The following KIAA0825 variants were observed in gnomAD, a reference collection of about 807,000 sequenced individuals.
KIAA0825 encodes the protein KIAA0825.
Under a neutral mutation model 147.6 loss-of-function variants are expected in KIAA0825, and 119 were observed. That is an observed-to-expected ratio of 0.81 (90% CI 0.69 to 0.94). The LOEUF is 0.94. Among genes scored for constraint, KIAA0825 ranks in the 40% least tolerant of loss-of-function variants. KIAA0825 has a pLI of 0.00. For synonymous variants in KIAA0825, 470 were observed against 518.1 expected, an observed-to-expected ratio of 0.91 and a Z score of 1.26; for missense variants, 1,381 against 1,472.7, an observed-to-expected ratio of 0.94 and a Z score of 1.02.
At chr5:94,577,316 G>A (rs1162098976) in intron 2 of KIAA0825, among the ~76,000 whole-genome samples, 1 of 152,174 alleles carries the variant, frequency 6.6e-6, no homozygotes, top group East Asian at 1.9e-4. Flanking sequence ...AGAGACAAAG[G>A]ATAGATAAAA....
chr5:94,610,787 G>GTA (rs374319650), intron 1 of KIAA0825, among the ~76,000 whole-genome samples: 2,938 of 94,994 alleles, frequency 0.031, 59 homozygotes, highest in African/African-American at 0.045. Flanking sequence ...AAAAAAAAAA[G>GTA]TATATATATA....
chr5:94,194,283 T>C (rs1288138856), intron 20 of KIAA0825, among the ~76,000 whole-genome samples: 1 of 152,056 alleles, frequency 6.6e-6, no homozygotes, highest in Non-Finnish European at 1.5e-5. Flanking sequence ...TGACCACCCC[T>C]CTTGGTGGGT....
At chr5:94,569,328 C>T (rs1779399314) in intron 2 of KIAA0825, 1 of 352,604 alleles carries the variant, frequency 2.8e-6, no homozygotes, top group East Asian at 4.4e-5. Flanking sequence ...CAACCTCCCC[C>T]ATAATTTAAA....
At chr5:94,339,360 A>T (rs917616595) in intron 20 of KIAA0825, among the ~76,000 whole-genome samples, 2 of 152,178 alleles carry the variant, frequency 1.3e-5, no homozygotes, top group Non-Finnish European at 2.9e-5. Context: ...ATAGATTTTT[A>T]CATCTTTGGT....
chr5:94,406,330 C>T (rs982892748), intron 15 of KIAA0825, among the ~76,000 whole-genome samples: 1 of 152,198 alleles, frequency 6.6e-6, no homozygotes, highest in African/African-American at 2.4e-5. Flanking sequence ...CTCTGCAATG[C>T]ACTAGAATTA....
chr5:94,380,553 A>G (rs945442592), intron 20 of KIAA0825, among the ~76,000 whole-genome samples: 3 of 152,252 alleles, frequency 2.0e-5, no homozygotes, highest in African/African-American at 7.2e-5. Flanking sequence ...AAAAGACAAT[A>G]AATAAACAGA....
chr5:94,552,262 A>C (rs1487148519), intron 2 of KIAA0825, among the ~76,000 whole-genome samples: 4 of 152,212 alleles, frequency 2.6e-5, no homozygotes, highest in Admixed American at 2.6e-4. Context: ...GAGTAACTAG[A>C]TATAAAAGGC....
At chr5:94,511,586 C>T (rs1766484862) in intron 5 of KIAA0825, among the ~76,000 whole-genome samples, 1 of 151,948 alleles carries the variant, frequency 6.6e-6, no homozygotes, top group African/African-American at 2.4e-5. Context: ...TGCCATTGCA[C>T]ACTCCAGCCC....
intron 5 of KIAA0825, among the ~76,000 whole-genome samples, chr5:94,497,662 A>T (rs1012561802): frequency 2.6e-5 from 4 of 152,176 alleles, no homozygotes; most frequent in Non-Finnish European, 5.9e-5. Context: ...CAAAAACCAC[A>T]ATTACTTTTG....
At chr5:94,290,881 C>G (rs1164766062) in intron 20 of KIAA0825, among the ~76,000 whole-genome samples, 2 of 152,132 alleles carry the variant, frequency 1.3e-5, no homozygotes, top group African/African-American at 4.8e-5. Context: ...CTCTAATAAC[C>G]AGTGATGATG....
chr5:94,170,327 A>G (rs917174564), intron 20 of KIAA0825, among the ~76,000 whole-genome samples: 6 of 152,158 alleles, frequency 3.9e-5, no homozygotes, highest in African/African-American at 9.6e-5. Flanking sequence ...AAAACAAAAC[A>G]AAACGAAAAC....
At chr5:94,440,182 C>CT in intron 13 of KIAA0825, 61 bp from the exon 14 acceptor site, 1 of 1,466,532 alleles carries the variant, frequency 6.8e-7, no homozygotes, top group East Asian at 2.5e-5. Flanking sequence ...AATTAATAGC[C>CT]TTAAAGTACA....
chr5:94,397,113 T>G (rs986471414), intron 16 of KIAA0825, among the ~76,000 whole-genome samples: 3 of 152,146 alleles, frequency 2.0e-5, no homozygotes, highest in African/African-American at 7.2e-5. Flanking sequence ...CTAATAATTA[T>G]GTCCTTTTCC....
intron 14 of KIAA0825, among the ~76,000 whole-genome samples, chr5:94,418,904 G>T (rs776830591): frequency 6.6e-6 from 1 of 152,120 alleles, no homozygotes; most frequent in African/African-American, 2.4e-5. Context: ...TTGAGATAGG[G>T]TCTCACTCTG....
In KIAA0825 at chr5:94,320,076, G is replaced by A. The variant is rs1470542228; in HGVS notation, c.3710+64292C>T. On this transcript the variant is annotated intron_variant, in intron 20 of 20. Coordinates refer to ENST00000682413, the MANE Select transcript of KIAA0825 (RefSeq NM_001145678.3). ...GAAATTTCCATGGCTTGATCCCTTG[G>A]ATCACACAAATATTTTCTTACAGAT... Among the ~76,000 whole-genome samples the A allele has an allele frequency of 2.0e-5, 3 of 151,958 alleles. No homozygotes were observed. The East Asian group carries it at 5.8e-4, about 30-fold the overall frequency.
chr5:94,361,293 C>T (rs1745022405), intron 20 of KIAA0825, among the ~76,000 whole-genome samples: 1 of 152,126 alleles, frequency 6.6e-6, no homozygotes, highest in African/African-American at 2.4e-5. Flanking sequence ...GCTCCCATTT[C>T]GTGCAGTCCT....
intron 20 of KIAA0825, among the ~76,000 whole-genome samples, chr5:94,295,064 C>T (rs996943388): frequency 5.9e-5 from 9 of 152,076 alleles, no homozygotes; most frequent in Admixed American, 4.6e-4. Flanking sequence ...ACCAATCAAA[C>T]GTAGGTTTGG....
chr5:94,548,548 G>C (rs1774906775), intron 2 of KIAA0825, among the ~76,000 whole-genome samples: 1 of 152,148 alleles, frequency 6.6e-6, no homozygotes, highest in Non-Finnish European at 1.5e-5. Flanking sequence ...AAAATAGCAA[G>C]AGTAAGTCCT....
intron 2 of KIAA0825, among the ~76,000 whole-genome samples, chr5:94,552,949 T>C (rs1237922301): frequency 2.0e-5 from 3 of 152,210 alleles, no homozygotes; most frequent in Admixed American, 6.5e-5. Context: ...GAATCTTCTA[T>C]GGCACTGTAA....
Sources: gnomAD v4.1 joint callset for allele counts (sites outside exome capture counted in the v4.1 genomes callset) on GRCh38, gnomAD v4.1.1 for gene constraint, MANE v1.5 for transcripts, NCBI Gene and HGNC (gene_info 2026-07-23, HGNC 2026-07-21) for gene names.